The following CNOT6L variants were observed in gnomAD, a reference collection of about 807,000 sequenced individuals.
CNOT6L encodes the protein CCR4-NOT transcription complex subunit 6 like.
In CNOT6L, 7 loss-of-function variants were observed where a neutral mutation model predicts 64.0. The observed-to-expected ratio is 0.11, with a 90% CI of 0.06 to 0.21. The LOEUF is 0.21. Among genes scored for constraint, CNOT6L ranks in the 10% least tolerant of loss-of-function variants. The pLI is 1.00. For missense variants in CNOT6L, 245 were observed against 669.0 expected, an observed-to-expected ratio of 0.37 and a Z score of 6.99; for synonymous variants, 193 against 243.4, an observed-to-expected ratio of 0.79 and a Z score of 1.93.
rs888912425 is a variant in CNOT6L at position 77,790,704 on chromosome 4, CT to C, written c.6-14313del. ...GAAGATATGCAAAAAACTTTCCCCACTTTTTTTTTAATTTTGAGACGGATTC... is the reference window on the plus strand; with the variant it reads ...GAAGATATGCAAAAAACTTTCCCCACTTTTTTTTAATTTTGAGACGGATTC... On this transcript the variant is annotated intron_variant, in intron 1 of 11. Transcript: ENST00000504123. 4.0e-5 allele frequency among the ~76,000 whole-genome samples: 6 copies of C among 150,596 alleles called. No homozygotes were observed. The East Asian group carries it at 7.8e-4, about 20-fold the overall frequency.
At chr4:77,778,383 T>A (rs558696176) in intron 1 of CNOT6L, among the ~76,000 whole-genome samples, 1 of 146,722 alleles carries the variant, frequency 6.8e-6, no homozygotes, top group Non-Finnish European at 1.5e-5. Flanking sequence ...TTCAAAAACA[T>A]AGGTTTCACT....
chr4:77,818,358 T>C (rs1331345493), intron 1 of CNOT6L, among the ~76,000 whole-genome samples: 3 of 151,880 alleles, frequency 2.0e-5, no homozygotes, highest in Non-Finnish European at 2.9e-5. Flanking sequence ...TAAAACAATT[T>C]CAAATGCACA....
chr4:77,713,537 G>C lies in CNOT6L; in HGVS notation c.*6894C>G, dbSNP rs1212384905. The C allele has an allele frequency of 6.6e-6, 1 of 152,536 alleles. No individual in the cohort carries two copies. Among genetic ancestry groups the C allele is most frequent in the Non-Finnish European group, 1.5e-5 (1 of 68,002 alleles). 9.4% of individuals were successfully genotyped at this position (152,536 alleles called of 1,614,324 possible). On this transcript the variant is annotated 3_prime_UTR_variant, in exon 12 of 12. Transcript: ENST00000504123. ...TCTCCAAAATGGAAAAAAATATTTT[G>C]TTATCTGACATAGTAGTTAAGGTTC...
At chr4:77,725,822 G>A (rs1033351631) in intron 11 of CNOT6L, among the ~76,000 whole-genome samples, 4 of 152,068 alleles carry the variant, frequency 2.6e-5, no homozygotes, top group South Asian at 4.1e-4. Flanking sequence ...TTAGGGGAGG[G>A]AGGTTACTGC....
intron 4 of CNOT6L, among the ~76,000 whole-genome samples, chr4:77,757,306 T>C (rs1205411322): frequency 6.6e-5 from 10 of 152,056 alleles, no homozygotes; most frequent in Non-Finnish European, 2.9e-5. Context: ...CAAACTCAAA[T>C]AGCCATATAG....
intron 1 of CNOT6L, among the ~76,000 whole-genome samples, chr4:77,793,797 T>C (rs762468277): frequency 1.3e-4 from 20 of 152,206 alleles, no homozygotes; most frequent in Admixed American, 5.9e-4. Flanking sequence ...GTATATGCGT[T>C]ATAAATTTTA....
At chr4:77,812,069 T>G (rs746331159) in intron 1 of CNOT6L, among the ~76,000 whole-genome samples, 4 of 152,172 alleles carry the variant, frequency 2.6e-5, no homozygotes, top group Non-Finnish European at 5.9e-5. Flanking sequence ...GCATCCATAT[T>G]GGAAAAGCAG....
chr4:77,749,456 T>C (rs1724605084), intron 5 of CNOT6L, among the ~76,000 whole-genome samples: 1 of 152,090 alleles, frequency 6.6e-6, no homozygotes, highest in Non-Finnish European at 1.5e-5. Flanking sequence ...AACAAAAAAA[T>C]TTCTAGCTAT....
intron 1 of CNOT6L, among the ~76,000 whole-genome samples, chr4:77,802,741 T>C (rs1028061378): frequency 2.0e-5 from 3 of 152,238 alleles, no homozygotes; most frequent in Non-Finnish European, 4.4e-5. Context: ...ACTATCATTT[T>C]ACAGATGAGG....
At chr4:77,801,099 A>C (rs1731488676) in intron 1 of CNOT6L, among the ~76,000 whole-genome samples, 1 of 152,190 alleles carries the variant, frequency 6.6e-6, no homozygotes, top group Non-Finnish European at 1.5e-5. Context: ...TAGAAGGATA[A>C]AGAACAAGAG....
chr4:77,789,423 G>A (rs887513846), intron 1 of CNOT6L, among the ~76,000 whole-genome samples: 2 of 151,646 alleles, frequency 1.3e-5, no homozygotes, highest in African/African-American at 4.8e-5. Context: ...GTCTTTTTTT[G>A]TTTAGCACAT....
chr4:77,805,803 A>G (rs1380585390), intron 1 of CNOT6L, among the ~76,000 whole-genome samples: 2 of 152,200 alleles, frequency 1.3e-5, no homozygotes, highest in South Asian at 4.1e-4. Flanking sequence ...GGTCCACAGC[A>G]CCAAAGATTA....
At chr4:77,770,551 G>A (rs539514549) in intron 4 of CNOT6L, among the ~76,000 whole-genome samples, 12 of 152,112 alleles carry the variant, frequency 7.9e-5, no homozygotes, top group Non-Finnish European at 1.6e-4. Context: ...CTTGGAAAGT[G>A]ACACTGACAA....
intron 4 of CNOT6L, among the ~76,000 whole-genome samples, chr4:77,769,429 T>C (rs754821295): frequency 6.6e-6 from 1 of 152,158 alleles, no homozygotes; most frequent in Non-Finnish European, 1.5e-5. Context: ...AAAAATGTAA[T>C]TGAATATAAT....
chr4:77,774,407 TAGAC>T (rs1727934816), intron 3 of CNOT6L, 119 bp downstream of exon 3: 1 of 770,502 alleles, frequency 1.3e-6, no homozygotes. Context: ...GCACTATGCT[TAGAC>T]AGTTTATATA....
upstream of CNOT6L, among the ~76,000 whole-genome samples, chr4:77,820,217 A>T (rs1434845621): frequency 6.6e-6 from 1 of 152,112 alleles, no homozygotes; most frequent in Non-Finnish European, 1.5e-5. Flanking sequence ...AACAAGGTGC[A>T]GAGAGTGCGA....
intron 1 of CNOT6L, among the ~76,000 whole-genome samples, chr4:77,782,364 ACTCT>A (rs1728958222): frequency 6.6e-6 from 1 of 152,018 alleles, no homozygotes. Flanking sequence ...ACAAGGTCTC[ACTCT>A]GTCACCTAGG....
chr4:77,767,070 A>G (rs1383640072), intron 4 of CNOT6L, among the ~76,000 whole-genome samples: 4 of 146,098 alleles, frequency 2.7e-5, no homozygotes, highest in African/African-American at 1.0e-4. Context: ...CTCAAAAAAA[A>G]AAAAAAAAAA....
chr4:77,714,288 T>G lies in CNOT6L; in HGVS notation c.*6143A>C. ...CCTTTCCCTACTCAAAACGATAAAT[T>G]GAGTGGAAAAGTAGATTGTCCCATG... On this transcript the variant is annotated 3_prime_UTR_variant, in exon 12 of 12. Transcript: ENST00000504123. The G allele has an allele frequency of 6.6e-6, 1 of 152,268 alleles. No individual in the cohort carries two copies. 9.4% of individuals were successfully genotyped at this position (152,268 alleles called of 1,614,324 possible).
Sources: allele counts gnomAD v4.1 joint callset (sites outside exome capture counted in the v4.1 genomes callset), GRCh38; gene constraint gnomAD v4.1.1; transcripts MANE v1.5; gene names NCBI Gene and HGNC (gene_info 2026-07-23, HGNC 2026-07-21).